MTMR14: variants seen among roughly 807,000 people sequenced by gnomAD.
The protein encoded by MTMR14 is phosphatidylinositol-3,5-bisphosphate 3-phosphatase MTMR14.
A neutral mutation model predicts 86.3 loss-of-function variants in MTMR14; 48 were observed. The observed-to-expected ratio is 0.56, with a 90% confidence interval of 0.44 to 0.71. The LOEUF (loss-of-function observed/expected upper bound fraction) is 0.71, where lower values mean the gene tolerates loss of function less well. MTMR14 is among the 30% of genes least tolerant of loss of function. The pLI, the probability that MTMR14 is intolerant of heterozygous loss-of-function variation, is 0.00. For synonymous variants in MTMR14, 366 were observed against 326.1 expected (o/e 1.12, Z -1.32); for missense variants, 780 against 834.6 (o/e 0.93, Z 0.81).
At chr3:9,657,669 G>A (rs956032437) in intron 2 of MTMR14, among the ~76,000 whole-genome samples, 1 of 152,020 alleles carries the variant, frequency 6.6e-6, no homozygotes, top group African/African-American at 2.4e-5. Flanking sequence ...TCCTGCCTCA[G>A]CCTCCCTAGT....
Position 9,668,713 on chromosome 3 carries a change from TC to T in MTMR14, c.418-3del. On this transcript the variant is annotated splice_polypyrimidine_tract_variant and splice_region_variant and intron_variant, in intron 3 of 18. Coordinates refer to ENST00000296003, the MANE Select transcript of MTMR14 (RefSeq NM_001077525.3). ...TCTGACCGTGAAAATGATGTTTCTC[TC>T]CCAGCACATTTGCAGGTCGGCCACA... 6.2e-7 allele frequency: 1 copy of T among 1,614,082 alleles called. No individual in the cohort carries two copies. The highest frequency in any genetic ancestry group is 1.3e-5 in the African/African-American group (1 of 75,026).
At position 9,653,676 on chromosome 3, in the gene MTMR14, G is replaced by T; in HGVS notation, c.215G>T (p.Ser72Ile). 6.2e-7 allele frequency: 1 copy of T among 1,614,184 alleles called. No homozygotes were observed. The highest frequency in any genetic ancestry group is 8.5e-7 in the Non-Finnish European group (1 of 1,180,042). The change falls in exon 2 of 19, where the codon AGC becomes ATC. Residue 72 changes from serine to isoleucine, a missense_variant. Coordinates refer to ENST00000296003, the MANE Select transcript of MTMR14 (RefSeq NM_001077525.3). Reference protein sequence around the residue: ...LELFGRDYCFSVIPNTNGDIC... With the variant: ...LELFGRDYCFIVIPNTNGDIC... Reference sequence around the variant, plus strand: ...CTGTTTGGCCGAGACTACTGTTTCAGCGTGATTCCAAACACGAATGGGGAT... The same window carrying T: ...CTGTTTGGCCGAGACTACTGTTTCATCGTGATTCCAAACACGAATGGGGAT...
At position 9,677,225 on chromosome 3, in the gene MTMR14, C is replaced by A; in HGVS notation, c.752-92C>A. ...AAGTGTGAGTTGGCGGCCCCCTCTC[C>A]ACAGCACTCAGGGACCTGGGTCTGG... On this transcript the variant is annotated intron_variant, in intron 7 of 18. Coordinates refer to ENST00000296003, the MANE Select transcript of MTMR14 (RefSeq NM_001077525.3). The surrounding 1 kb of genome is among the most constrained non-coding windows in gnomAD (Gnocchi z 4.2). The A allele has an allele frequency of 8.5e-7, 1 of 1,171,226 alleles. No homozygotes were observed. The highest frequency in any genetic ancestry group is 1.5e-5 in the African/African-American group (1 of 66,332). 72.6% of individuals were successfully genotyped at this position (1,171,226 alleles called of 1,614,324 possible).
chr3:9,685,282 C>T (rs764012249), intron 13 of MTMR14, 35 bp downstream of exon 13: 4 of 1,613,404 alleles, frequency 2.5e-6, no homozygotes, highest in Non-Finnish European at 2.5e-6. Flanking sequence ...GGGCACAGCT[C>T]AGCACTGAAA....
At chr3:9,652,846 CA>C (rs1334998225) in intron 1 of MTMR14, among the ~76,000 whole-genome samples, 1 of 151,656 alleles carries the variant, frequency 6.6e-6, no homozygotes, top group Non-Finnish European at 1.5e-5. Flanking sequence ...GAAAATTAGC[CA>C]AATATGCTCA....
chr3:9,672,583 T>A (rs1049611609), intron 6 of MTMR14, 102 bp from the exon 7 acceptor site: 1 of 1,049,756 alleles, frequency 9.5e-7, no homozygotes, highest in African/African-American at 1.6e-5. Context: ...AATAGTTTTT[T>A]TTAGCAGAAG....
intron 7 of MTMR14, among the ~76,000 whole-genome samples, chr3:9,674,325 T>C (rs1045031493): frequency 6.6e-6 from 1 of 152,228 alleles, no homozygotes; most frequent in African/African-American, 2.4e-5. Flanking sequence ...TTGACCCAGG[T>C]ATTTTTCTAA....
Position 9,657,569 on chromosome 3 carries a change from T to G in MTMR14, c.308+3800T>G, listed in dbSNP as rs190154509. Among the ~76,000 whole-genome samples, 63 of 151,784 alleles carry G rather than the reference T, an allele frequency of 4.2e-4. No homozygotes were observed. In the East Asian group the frequency reaches 9.5e-3, roughly 23 times the overall value. On this transcript the variant is annotated intron_variant, in intron 2 of 18. Coordinates refer to ENST00000296003, the MANE Select transcript of MTMR14 (RefSeq NM_001077525.3). ...ACTCTTTTTTTTTTTCAATTTGATA[T>G]GGAGTCTTGCTGTGTCGCTGAGGCT...
chr3:9,670,984 C>T (rs1457059177), intron 5 of MTMR14, 64 bp from the exon 6 acceptor site: 10 of 1,606,558 alleles, frequency 6.2e-6, no homozygotes, highest in Non-Finnish European at 8.5e-6. Flanking sequence ...TGAATGAGTG[C>T]CCACCCCCAA....
intron 17 of MTMR14, among the ~76,000 whole-genome samples, chr3:9,697,298 G>A (rs181191483): frequency 6.6e-6 from 1 of 152,106 alleles, no homozygotes; most frequent in Non-Finnish European, 1.5e-5. Context: ...AAATCTGCAT[G>A]CCAGCAAGTA....
At chr3:9,653,276 A>T (rs1262618884) in intron 1 of MTMR14, among the ~76,000 whole-genome samples, 2 of 152,220 alleles carry the variant, frequency 1.3e-5, no homozygotes, top group African/African-American at 4.8e-5. Context: ...CAATGAAGGT[A>T]GTGGATTAGT....
rs1420047201 is a variant in MTMR14 at position 9,672,760 on chromosome 3, TA to T, written c.751+3del. On this transcript the variant is annotated splice_donor_region_variant and intron_variant, in intron 7 of 18. Coordinates refer to ENST00000296003, the MANE Select transcript of MTMR14 (RefSeq NM_001077525.3). ...CTCTCCTCTCCATCCCGTATCCAGGTAGGGGGCTCTCTTCTAGTGGCAGGCA... is the reference window on the plus strand; with the variant it reads ...CTCTCCTCTCCATCCCGTATCCAGGTGGGGGCTCTCTTCTAGTGGCAGGCA... The T allele has an allele frequency of 6.2e-7, 1 of 1,614,020 alleles. No individual in the cohort carries two copies.
Position 9,684,670 on chromosome 3 carries a change from T to C in MTMR14, c.1050T>C (p.Ala350=). 1 of 1,614,050 alleles carries C rather than the reference T, an allele frequency of 6.2e-7. No individual in the cohort carries two copies. Among genetic ancestry groups the C allele is most frequent in the Non-Finnish European group, 8.5e-7 (1 of 1,179,920 alleles). The change falls in exon 11 of 19, where the codon GCT becomes GCC. Residue 350 remains alanine, a splice_region_variant and synonymous_variant. Transcript: ENST00000296003. ...FISLLRLSLW[A]DGLIHTSLKP... ...CCCTCCTGCGCCTTTCCTTGTGGGC[T>C]GTGAGTATGAATCGGCCCCTACCAA...
At position 9,668,180 on chromosome 3, in the gene MTMR14, C is replaced by A. The variant is rs534126051; in HGVS notation, c.418-539C>A. Reference sequence around the variant, plus strand: ...AAGCCTCTAAAACATTTCTCACTCACCCCTTGCCCCCGCTAGAAAGGTTGT... The same window carrying A: ...AAGCCTCTAAAACATTTCTCACTCAACCCTTGCCCCCGCTAGAAAGGTTGT... On this transcript the variant is annotated intron_variant, in intron 3 of 18. Transcript: ENST00000296003. Among the ~76,000 whole-genome samples the A allele has an allele frequency of 2.6e-5, 4 of 152,360 alleles. No individual in the cohort carries two copies. In the East Asian group the frequency reaches 7.7e-4, roughly 29 times the overall value.
intron 16 of MTMR14, 63 bp from the exon 17 acceptor site, chr3:9,689,901 G>T: frequency 6.6e-7 from 1 of 1,505,566 alleles, no homozygotes; most frequent in East Asian, 2.4e-5. Flanking sequence ...AATTCAGTGA[G>T]GGTGGGCAGA....
At chr3:9,652,687 A>T (rs1018124879) in intron 1 of MTMR14, among the ~76,000 whole-genome samples, 35 of 146,060 alleles carry the variant, frequency 2.4e-4, no homozygotes, top group African/African-American at 8.8e-4. Flanking sequence ...ACAGAGCAAG[A>T]CTCTTTCTCA....
At chr3:9,693,308 C>G (rs904820120) in intron 17 of MTMR14, among the ~76,000 whole-genome samples, 1 of 151,930 alleles carries the variant, frequency 6.6e-6, no homozygotes, top group Non-Finnish European at 1.5e-5. Flanking sequence ...ATCAGATAAT[C>G]GAGATGATTT....
chr3:9,686,074 G>T (rs1181594988), intron 13 of MTMR14, among the ~76,000 whole-genome samples: 1 of 152,028 alleles, frequency 6.6e-6, no homozygotes, highest in African/African-American at 2.4e-5. Flanking sequence ...CACCCTCATG[G>T]GGCTGCTTCC....
chr3:9,669,845 A>T (rs140198624), intron 5 of MTMR14, among the ~76,000 whole-genome samples: 2 of 152,096 alleles, frequency 1.3e-5, no homozygotes, highest in African/African-American at 4.8e-5. Context: ...CTGATTACCA[A>T]CCTGCCAGAT....
Sources: allele counts gnomAD v4.1 joint callset (sites outside exome capture counted in the v4.1 genomes callset), GRCh38; gene constraint gnomAD v4.1.1; non-coding constraint Gnocchi (gnomAD v3.1); transcripts MANE v1.5; gene names NCBI Gene and HGNC (gene_info 2026-07-23, HGNC 2026-07-21).